The following SEC63 variants were observed in gnomAD, a reference collection of about 807,000 sequenced individuals.
SEC63 encodes SEC63 protein translocation regulator.
A neutral mutation model predicts 116.2 loss-of-function variants in SEC63; 56 were observed. The observed-to-expected ratio is 0.48, with a 90% CI of 0.39 to 0.60. SEC63 has a LOEUF of 0.60. Among genes scored for constraint, SEC63 ranks in the 20% least tolerant of loss-of-function variants. The probability of loss-of-function intolerance (pLI) is 0.00; values close to 1 mark genes in which losing one functional copy is unlikely to be tolerated. For missense variants in SEC63, 668 were observed against 900.0 expected (o/e 0.74, Z 3.30); for synonymous variants, 273 against 294.6 (o/e 0.93, Z 0.75).
At chr6:107,890,416 G>C (rs1786652819) in intron 16 of SEC63, among the ~76,000 whole-genome samples, 1 of 151,946 alleles carries the variant, frequency 6.6e-6, no homozygotes, top group Admixed American at 6.6e-5. Flanking sequence ...CTTTCCATTT[G>C]CTTGGTAAAT....
chr6:107,910,668 A>G (rs901955347), intron 7 of SEC63, among the ~76,000 whole-genome samples: 1 of 152,126 alleles, frequency 6.6e-6, no homozygotes, highest in African/African-American at 2.4e-5. Flanking sequence ...CACATCTGTC[A>G]TGCATATGTA....
intron 7 of SEC63, 81 bp downstream of exon 7, chr6:107,911,265 A>T: frequency 1.1e-6 from 1 of 939,954 alleles, no homozygotes; most frequent in Non-Finnish European, 1.7e-6. Flanking sequence ...TCTAACATAC[A>T]TTTAAAATGT....
Position 107,893,490 on chromosome 6 carries a change from C to T in SEC63, c.1666G>A (p.Val556Ile), listed in dbSNP as rs17854547. 0.043 allele frequency: 69,521 copies of T among 1,612,008 alleles called. 1,722 individuals are homozygous for T. The highest frequency in any genetic ancestry group is 0.05 in the South Asian group (4,568 of 90,970). Residue 556 changes from valine to isoleucine, a missense_variant, in exon 16 of 21, where the codon GTT becomes ATT. Val to Ile is a conservative substitution (Grantham distance 29). Coordinates refer to ENST00000369002, the MANE Select transcript of SEC63 (RefSeq NM_007214.5). ...QQKQKQANGV[V>I]GNEAAVKEDE... Reference sequence around the variant, plus strand: ...GATAATAATAAACTTACATTCCCAACGACTCCATTTGCCTGCTTTTGTTTC... The same window carrying T: ...GATAATAATAAACTTACATTCCCAATGACTCCATTTGCCTGCTTTTGTTTC...
rs749602342 is a variant in SEC63, at chr6:107,957,882, T to C, written c.124+4A>G. On this transcript the variant is annotated splice_donor_region_variant and intron_variant, in intron 1 of 20. Coordinates refer to ENST00000369002, the MANE Select transcript of SEC63 (RefSeq NM_007214.5). ...GTTCGCGGGCAAAGGCCGGCGGGAC[T>C]CACCGGCATTCTGATCTCGGGGCCA... The C allele has an allele frequency of 6.2e-7, 1 of 1,609,320 alleles. No individual in the cohort carries two copies. Among genetic ancestry groups the C allele is most frequent in the African/African-American group, 1.3e-5 (1 of 74,202 alleles).
chr6:107,909,081 C>T lies in SEC63; in HGVS notation c.625-46G>A, dbSNP rs557974304. 41 of 1,348,594 alleles carry T rather than the reference C, an allele frequency of 3.0e-5. No individual in the cohort carries two copies. The East Asian group carries it at 3.5e-4, about 12-fold the overall frequency. The allele number at this position is 1,348,594 out of a possible 1,614,324, so 83.5% of individuals were successfully genotyped here. Reference sequence around the variant, plus strand: ...AACAAGAAAGAAAGTATAAAAACTACGATAGGCTGGGCGAGATGGCTCATT... The same window carrying T: ...AACAAGAAAGAAAGTATAAAAACTATGATAGGCTGGGCGAGATGGCTCATT... On this transcript the variant is annotated intron_variant, in intron 7 of 20. Transcript: ENST00000369002.
At chr6:107,887,604 G>T (rs1257335390) in intron 16 of SEC63, among the ~76,000 whole-genome samples, 2 of 151,622 alleles carry the variant, frequency 1.3e-5, no homozygotes, top group African/African-American at 4.9e-5. Context: ...GTTGTGGGGT[G>T]GGGGAAGGGG....
At chr6:107,925,715 G>A (rs184594594) in intron 2 of SEC63, among the ~76,000 whole-genome samples, 1 of 152,230 alleles carries the variant, frequency 6.6e-6, no homozygotes, top group Admixed American at 6.5e-5. Context: ...AAGCCCTAAA[G>A]AAATACATAC....
intron 4 of SEC63, among the ~76,000 whole-genome samples, chr6:107,921,324 G>GT (rs1787550722): frequency 6.6e-6 from 1 of 151,988 alleles, no homozygotes; most frequent in South Asian, 2.1e-4. Context: ...AAAAATTACA[G>GT]TTTAATTAAA....
intron 3 of SEC63, among the ~76,000 whole-genome samples, chr6:107,922,304 G>A (rs562976311): frequency 6.6e-6 from 1 of 152,180 alleles, no homozygotes; most frequent in African/African-American, 2.4e-5. Context: ...AGGAGTTCAA[G>A]ACCAGCTTGG....
At chr6:107,879,691 A>AT (rs1786366252) in intron 18 of SEC63, among the ~76,000 whole-genome samples, 1 of 151,724 alleles carries the variant, frequency 6.6e-6, no homozygotes, top group Admixed American at 6.6e-5. Context: ...ATTAAATTTG[A>AT]AAAAGGCATT....
intron 1 of SEC63, among the ~76,000 whole-genome samples, chr6:107,953,751 T>G (rs1389696906): frequency 6.7e-4 from 60 of 88,968 alleles, no homozygotes; most frequent in Admixed American, 9.7e-4. Context: ...AGGTGGGGGG[T>G]TCAGCCCCCC....
chr6:107,937,058 G>A (rs1368002191), intron 1 of SEC63, among the ~76,000 whole-genome samples: 2 of 151,114 alleles, frequency 1.3e-5, no homozygotes, highest in African/African-American at 2.4e-5. Flanking sequence ...CTGCATTTAT[G>A]TGCTATAAAG....
chr6:107,938,488 T>C (rs1770304753), intron 1 of SEC63, among the ~76,000 whole-genome samples: 1 of 151,382 alleles, frequency 6.6e-6, no homozygotes, highest in African/African-American at 2.4e-5. Context: ...CAAGCAATCC[T>C]CCCTCCGCAG....
Position 107,893,837 on chromosome 6 carries a change from C to A in SEC63, c.1500+1G>T. 1.2e-6 allele frequency: 2 copies of A among 1,614,056 alleles called. No homozygotes were observed. The highest frequency in any genetic ancestry group is 1.7e-6 in the Non-Finnish European group (2 of 1,179,952). ...ATAGGTTCGGAAACCCAAGTTTTTA[C>A]CCCATCTTCTGCTGGCTGTTCCTCT... is the stretch of plus-strand genomic sequence containing the variant. On this transcript the variant is annotated splice_donor_variant, in intron 15 of 20. Transcript: ENST00000369002. LOFTEE classifies it high-confidence loss of function.
In SEC63 at chr6:107,869,249, ATCTAAC is replaced by A. The variant is rs1230705143; in HGVS notation, c.*2449_*2454del. The A allele has an allele frequency of 1.3e-5, 2 of 152,256 alleles. No individual in the cohort carries two copies. Among genetic ancestry groups the A allele is most frequent in the Admixed American group, 6.5e-5 (1 of 15,286 alleles). 9.4% of individuals were successfully genotyped at this position (152,256 alleles called of 1,614,324 possible). On this transcript the variant is annotated 3_prime_UTR_variant, in exon 21 of 21. Transcript: ENST00000369002. ...TAAAAAATTCAAAAAGGACATGAAC[ATCTAAC>A]TCTGAGATTGAGATATTAACACCTC...
chr6:107,897,651 C>A lies in SEC63; in HGVS notation c.1438G>T (p.Ala480Ser), dbSNP rs1208558232. Residue 480 changes from alanine (A) to serine (S), a missense_variant and splice_region_variant, in exon 14 of 21, where the codon GCT becomes TCT. By Grantham distance (99) the Ala-to-Ser change is moderately conservative. Coordinates refer to ENST00000369002, the MANE Select transcript of SEC63 (RefSeq NM_007214.5). ...VLVKLTRQTM[A>S]EVFEKEQSIC... The stretch of plus-strand genomic sequence containing the variant: ...AAAAATACAGATAGACTACTTACAG[C>A]CATTGTTTGCCTTGTCAACTTAACC... The A allele has an allele frequency of 2.5e-6, 4 of 1,581,428 alleles. No individual in the cohort carries two copies. The African/African-American group carries it at 5.4e-5, about 21-fold the overall frequency.
At chr6:107,954,967 AAT>A (rs758865951) in intron 1 of SEC63, among the ~76,000 whole-genome samples, 2 of 152,200 alleles carry the variant, frequency 1.3e-5, no homozygotes, top group Non-Finnish European at 2.9e-5. Flanking sequence ...AATACATCAA[AAT>A]ATGCATATGG....
chr6:107,930,926 C>T (rs192883128), intron 1 of SEC63, among the ~76,000 whole-genome samples: 13 of 151,916 alleles, frequency 8.6e-5, no homozygotes, highest in Admixed American at 4.6e-4. Context: ...ACCCAGGAGG[C>T]AGAGGTTGCA....
intron 19 of SEC63, 38 bp from the exon 20 acceptor site, chr6:107,872,950 G>C (rs994614480): frequency 5.2e-6 from 7 of 1,347,808 alleles, no homozygotes; most frequent in Non-Finnish European, 5.2e-6. Flanking sequence ...TCTGTATTAT[G>C]GGGAGGAAAC....
Sources: gnomAD v4.1 joint callset for allele counts (sites outside exome capture counted in the v4.1 genomes callset) on GRCh38, gnomAD v4.1.1 for gene constraint, MANE v1.5 for transcripts, NCBI Gene and HGNC (gene_info 2026-07-23, HGNC 2026-07-21) for gene names.